Variants in B4GALT1 observed in about 807,000 individuals in gnomAD.
The protein encoded by B4GALT1 is N-acetyllactosamine synthase.
In B4GALT1, 16 loss-of-function variants were observed where a neutral mutation model predicts 34.9. The observed-to-expected ratio is 0.46, with a 90% CI of 0.31 to 0.70. The LOEUF (loss-of-function observed/expected upper bound fraction) is 0.70, where lower values mean the gene tolerates loss of function less well. Among genes scored for constraint, B4GALT1 ranks in the 30% least tolerant of loss-of-function variants. B4GALT1 has a pLI of 0.05. For synonymous variants in B4GALT1, 221 were observed against 218.1 expected (o/e 1.01, Z -0.12); for missense variants, 445 against 530.5 (o/e 0.84, Z 1.58).
At position 33,154,018 on chromosome 9, in the gene B4GALT1, A is replaced by G. The variant is rs959196190; in HGVS notation, c.412+12740T>C. Among the ~76,000 whole-genome samples, 5 of 100,146 alleles carry G rather than the reference A, an allele frequency of 5.0e-5. No individual in the cohort carries two copies. The East Asian group carries it at 1.1e-3, about 21-fold the overall frequency. The allele number at this position is 100,146 out of a possible 152,430, so 65.7% of individuals were successfully genotyped here. A position where few individuals can be genotyped will look rare whatever the true frequency, so the allele number is the denominator to read the frequency against. On this transcript the variant is annotated intron_variant, in intron 1 of 5. Coordinates refer to ENST00000379731, the MANE Select transcript of B4GALT1 (RefSeq NM_001497.4). Reference sequence around the variant, plus strand: ...GAGGGGAGGGGAGAGAGAGAGAGAGAGAGGAAGGAAGGAAGGGAGGGAGGG... The same window carrying G: ...GAGGGGAGGGGAGAGAGAGAGAGAGGGAGGAAGGAAGGAAGGGAGGGAGGG...
chr9:33,180,162 G>A, the B4GALT1 span, among the ~76,000 whole-genome samples: 1 of 151,952 alleles, frequency 6.6e-6, no homozygotes, highest in Non-Finnish European at 1.5e-5. Context: ...TCAGCCTTCC[G>A]AGTAGCCAGG....
Position 33,150,559 on chromosome 9 carries a change from AGATCAGTGGTTGCCTGG to A in B4GALT1, c.413-15152_413-15136del, listed in dbSNP as rs1437215123. Among the ~76,000 whole-genome samples the A allele has an allele frequency of 3.3e-5, 5 of 152,196 alleles. No homozygotes were observed. In the East Asian group the frequency reaches 7.7e-4, roughly 23 times the overall value. On this transcript the variant is annotated intron_variant, in intron 1 of 5. Transcript: ENST00000379731. ...AGACAAAACAATAGTAATGAAGAATAGATCAGTGGTTGCCTGGGATTAAGGGTGGGAGGAGAATGTGA... is the reference window on the plus strand; with the variant it reads ...AGACAAAACAATAGTAATGAAGAATAGATTAAGGGTGGGAGGAGAATGTGA...
the B4GALT1 span, among the ~76,000 whole-genome samples, chr9:33,174,958 T>A: frequency 7.5e-5 from 1 of 13,360 alleles, no homozygotes. Flanking sequence ...GACTCTGTCT[T>A]AAAAAAAAAA....
In B4GALT1 at chr9:33,157,121, T is replaced by TACACACACACACAC. The variant is rs199541947; in HGVS notation, c.412+9623_412+9636dup. ...ACACACGGTGTCCAGCATAGGGAAC[T>TACACACACACACAC]ACACACACACACACACACACACACA... On this transcript the variant is annotated intron_variant, in intron 1 of 5. Coordinates refer to ENST00000379731, the MANE Select transcript of B4GALT1 (RefSeq NM_001497.4). Among the ~76,000 whole-genome samples, 1,127 of 113,224 alleles carry TACACACACACACAC rather than the reference T, an allele frequency of 1.0e-2. 60 individuals are homozygous for TACACACACACACAC. Among genetic ancestry groups the TACACACACACACAC allele is most frequent in the African/African-American group, 0.025 (625 of 24,602 alleles). 74.3% of individuals were successfully genotyped at this position (113,224 alleles called of 152,430 possible). A position where few individuals can be genotyped will look rare whatever the true frequency, so the allele number is the denominator to read the frequency against.
intron 2 of B4GALT1, among the ~76,000 whole-genome samples, chr9:33,129,175 C>A (rs550809329): frequency 1.8e-4 from 27 of 151,940 alleles, no homozygotes; most frequent in Non-Finnish European, 3.7e-4. Context: ...ATTTGCCTTA[C>A]TCTGGGGGAT....
chr9:33,145,076 A>C (rs2118213653), intron 1 of B4GALT1, among the ~76,000 whole-genome samples: 1 of 152,308 alleles, frequency 6.6e-6, no homozygotes, highest in African/African-American at 2.4e-5. Flanking sequence ...GGGAAGCTGG[A>C]CCAACTGGGC....
intron 1 of B4GALT1, among the ~76,000 whole-genome samples, chr9:33,163,437 C>T (rs939929422): frequency 1.3e-5 from 2 of 152,192 alleles, no homozygotes; most frequent in African/African-American, 2.4e-5. Flanking sequence ...TGGGCAAGAG[C>T]GGCCTCTGAG....
At chr9:33,138,056 G>A (rs1840296091) in intron 1 of B4GALT1, among the ~76,000 whole-genome samples, 1 of 152,268 alleles carries the variant, frequency 6.6e-6, no homozygotes, top group South Asian at 2.1e-4. Flanking sequence ...AAGCACCTGG[G>A]CTGTCACCCT....
intron 2 of B4GALT1, among the ~76,000 whole-genome samples, chr9:33,124,362 T>C (rs1355824329): frequency 6.6e-6 from 1 of 152,200 alleles, no homozygotes; most frequent in East Asian, 1.9e-4. Flanking sequence ...CACATGCATT[T>C]TTAATCCCAG....
chr9:33,126,226 T>C (rs3780494), intron 2 of B4GALT1, among the ~76,000 whole-genome samples: 3,477 of 151,986 alleles, frequency 0.023, 60 homozygotes, highest in East Asian at 0.062. Flanking sequence ...GCCGAGTGGG[T>C]TGCATGAAAC....
intron 3 of B4GALT1, among the ~76,000 whole-genome samples, chr9:33,117,252 T>C (rs931534047): frequency 1.3e-5 from 2 of 152,198 alleles, no homozygotes; most frequent in African/African-American, 4.8e-5. Flanking sequence ...TTCTGAAAAT[T>C]TGCTAAAATA....
In B4GALT1 at chr9:33,116,230, G is replaced by A. The variant is rs932655613; in HGVS notation, c.837-117C>T. On this transcript the variant is annotated intron_variant, in intron 3 of 5. Transcript: ENST00000379731. ...AAGTTATTCTTTTTGCTTCTCTAGA[G>A]TTTTTATTTATTTTTTTTTTGAGAC... 12 of 1,257,454 alleles carry A rather than the reference G, an allele frequency of 9.5e-6. No individual in the cohort carries two copies. The African/African-American group carries it at 2.0e-4, about 21-fold the overall frequency. The allele number at this position is 1,257,454 out of a possible 1,614,324, so 77.9% of individuals were successfully genotyped here.
upstream of B4GALT1, among the ~76,000 whole-genome samples, chr9:33,171,411 A>T (rs1397595655): frequency 6.6e-6 from 1 of 152,232 alleles, no homozygotes; most frequent in Non-Finnish European, 1.5e-5. Flanking sequence ...TAGAGGAAGC[A>T]TTCCAAAAAG....
At position 33,167,272 on chromosome 9, in the gene B4GALT1, G is replaced by T. The variant is rs1367323405; in HGVS notation, c.-103C>A. On this transcript the variant is annotated 5_prime_UTR_variant, in exon 1 of 6. Coordinates refer to ENST00000379731, the MANE Select transcript of B4GALT1 (RefSeq NM_001497.4). ...GCCCCACAGCGGCGACTAGGGGAGG[G>T]CCCGGAGCGGGGGCGGGCGAGCGGC... 2 of 1,368,728 alleles carry T rather than the reference G, an allele frequency of 1.5e-6. No homozygotes were observed. The highest frequency in any genetic ancestry group is 1.9e-6 in the Non-Finnish European group (2 of 1,053,256). The allele number at this position is 1,368,728 out of a possible 1,614,324, so 84.8% of individuals were successfully genotyped here.
chr9:33,125,346 G>C (rs543522734), intron 2 of B4GALT1, among the ~76,000 whole-genome samples: 1 of 152,326 alleles, frequency 6.6e-6, no homozygotes, highest in Non-Finnish European at 1.5e-5. Context: ...TGAAGGCAGC[G>C]ATGAGCCAAA....
intron 2 of B4GALT1, among the ~76,000 whole-genome samples, chr9:33,126,626 CCATTGTTAA>C (rs1361918906): frequency 2.0e-5 from 3 of 152,238 alleles, no homozygotes; most frequent in African/African-American, 7.2e-5. Flanking sequence ...CCATAGTTAA[CCATTGTTAA>C]CATTGTTAAC....
At chr9:33,141,324 G>A (rs1318670221) in intron 1 of B4GALT1, among the ~76,000 whole-genome samples, 1 of 152,016 alleles carries the variant, frequency 6.6e-6, no homozygotes. Flanking sequence ...TGGCCAACAT[G>A]GTGAAACCCC....
chr9:33,138,901 G>A (rs771964856), intron 1 of B4GALT1, among the ~76,000 whole-genome samples: 12 of 151,878 alleles, frequency 7.9e-5, no homozygotes, highest in Non-Finnish European at 1.3e-4. Context: ...GCTGATACCC[G>A]GGTGGTCCAT....
chr9:33,183,644 AG>A, the B4GALT1 span, among the ~76,000 whole-genome samples: 3 of 63,016 alleles, frequency 4.8e-5, no homozygotes, highest in African/African-American at 2.0e-4. Flanking sequence ...GGGTGGGGGG[AG>A]GGGGGAGGGA....
Sources: allele counts gnomAD v4.1 joint callset (sites outside exome capture counted in the v4.1 genomes callset), GRCh38; gene constraint gnomAD v4.1.1; transcripts MANE v1.5; gene names NCBI Gene and HGNC (gene_info 2026-07-23, HGNC 2026-07-21).